Variants in MIR2052HG observed in about 807,000 individuals in gnomAD.
MIR2052HG encodes the protein MIR2052 host gene.
intron 2 of MIR2052HG, among the ~76,000 whole-genome samples, chr8:74,645,505 G>A (rs977778323): frequency 1.3e-5 from 2 of 152,104 alleles, no homozygotes; most frequent in African/African-American, 2.4e-5. Context: ...GGCTGGTCAC[G>A]AACTCCCAAC....
intron 2 of MIR2052HG, among the ~76,000 whole-genome samples, chr8:74,621,525 C>T (rs1808361289): frequency 6.6e-6 from 1 of 152,202 alleles, no homozygotes; most frequent in Non-Finnish European, 1.5e-5. Context: ...GAGAAGCAGG[C>T]ACCCTCTTCA....
intron 2 of MIR2052HG, among the ~76,000 whole-genome samples, chr8:74,657,592 G>T (rs1322382806): frequency 6.6e-6 from 1 of 152,132 alleles, no homozygotes; most frequent in South Asian, 2.1e-4. Flanking sequence ...AACCAAAGAG[G>T]TTTGATGGAC....
chr8:74,728,616 G>A (rs1344403091), intron 4 of MIR2052HG, among the ~76,000 whole-genome samples: 2 of 152,174 alleles, frequency 1.3e-5, no homozygotes, highest in African/African-American at 4.8e-5. Context: ...GCCAGGTAGT[G>A]TTAAATTGGG....
intron 2 of MIR2052HG, among the ~76,000 whole-genome samples, chr8:74,696,184 C>A (rs1563533847): frequency 6.6e-6 from 1 of 152,046 alleles, no homozygotes; most frequent in East Asian, 1.9e-4. Context: ...CAAAACCATG[C>A]AAATACATGA....
chr8:74,603,171 A>C, intron 1 of MIR2052HG: 2 of 793,066 alleles, frequency 2.5e-6, no homozygotes, highest in Admixed American at 4.0e-5. Flanking sequence ...AGTGTGTAGA[A>C]ACTGAAAATT....
At chr8:74,725,269 C>T (rs906333052) in intron 4 of MIR2052HG, among the ~76,000 whole-genome samples, 2 of 152,212 alleles carry the variant, frequency 1.3e-5, no homozygotes, top group African/African-American at 4.8e-5. Context: ...CCTGTGTTCA[C>T]AGTTGGCTGA....
At chr8:74,616,403 C>G (rs1808282949) in intron 2 of MIR2052HG, among the ~76,000 whole-genome samples, 2 of 148,676 alleles carry the variant, frequency 1.3e-5, no homozygotes, top group South Asian at 4.3e-4. Context: ...CTCATCGTCA[C>G]TGGCCATCAG....
chr8:74,708,908 T>G (rs6472873), intron 4 of MIR2052HG, among the ~76,000 whole-genome samples: 1 of 151,986 alleles, frequency 6.6e-6, no homozygotes, highest in Non-Finnish European at 1.5e-5. Flanking sequence ...AACTGTAAGA[T>G]AGAAAATGAG....
At chr8:74,690,579 C>T (rs956440857) in intron 2 of MIR2052HG, among the ~76,000 whole-genome samples, 4 of 151,688 alleles carry the variant, frequency 2.6e-5, no homozygotes, top group South Asian at 2.1e-4. Flanking sequence ...ACCCAGGAGG[C>T]GGAGTTTGCA....
At chr8:74,603,017 A>G (rs1808045481) in intron 1 of MIR2052HG, among the ~76,000 whole-genome samples, 1 of 126,802 alleles carries the variant, frequency 7.9e-6, no homozygotes, top group Non-Finnish European at 1.6e-5. Context: ...GAGCCAAAAC[A>G]AAACAAAACA....
chr8:74,623,131 A>C (rs1296321251), intron 2 of MIR2052HG, among the ~76,000 whole-genome samples: 1 of 152,230 alleles, frequency 6.6e-6, no homozygotes, highest in Non-Finnish European at 1.5e-5. Flanking sequence ...TTTGTAAAAG[A>C]GTAGATTTTA....
intron 4 of MIR2052HG, among the ~76,000 whole-genome samples, chr8:74,711,864 G>A (rs1809471201): frequency 6.6e-6 from 1 of 152,188 alleles, no homozygotes; most frequent in African/African-American, 2.4e-5. Flanking sequence ...GAGCAACCAT[G>A]TGATGGAAAT....
At chr8:74,637,059 C>T (rs1236602011) in intron 2 of MIR2052HG, among the ~76,000 whole-genome samples, 2 of 152,068 alleles carry the variant, frequency 1.3e-5, no homozygotes, top group Non-Finnish European at 2.9e-5. Context: ...AATCTGAATA[C>T]AGTGATACAC....
intron 2 of MIR2052HG, among the ~76,000 whole-genome samples, chr8:74,634,040 G>A (rs1467780629): frequency 6.6e-6 from 1 of 152,174 alleles, no homozygotes; most frequent in East Asian, 1.9e-4. Flanking sequence ...TAATGGAGGA[G>A]GAGGAGGACA....
intron 2 of MIR2052HG, among the ~76,000 whole-genome samples, chr8:74,615,764 C>G (rs573891756): frequency 4.7e-4 from 71 of 152,034 alleles, no homozygotes; most frequent in African/African-American, 1.7e-3. Flanking sequence ...TTCCCCACTC[C>G]CCCCACCCCA....
At chr8:74,670,752 A>G (rs1380876005) in intron 2 of MIR2052HG, among the ~76,000 whole-genome samples, 13 of 152,196 alleles carry the variant, frequency 8.5e-5, no homozygotes, top group Admixed American at 4.6e-4. Context: ...AAATGTTGAA[A>G]AATTTCTAAG....
intron 2 of MIR2052HG, among the ~76,000 whole-genome samples, chr8:74,658,845 G>A (rs1177330299): frequency 6.6e-6 from 1 of 152,062 alleles, no homozygotes; most frequent in African/African-American, 2.4e-5. Context: ...TGGCATACAT[G>A]TTTGCACCAA....
intron 2 of MIR2052HG, among the ~76,000 whole-genome samples, chr8:74,624,212 A>G (rs376928123): frequency 4.6e-5 from 7 of 152,344 alleles, no homozygotes; most frequent in African/African-American, 1.7e-4. Flanking sequence ...TTAGGGCACC[A>G]CCCAAGGGCC....
At chr8:74,668,916 C>T (rs1808961089) in intron 2 of MIR2052HG, among the ~76,000 whole-genome samples, 1 of 152,122 alleles carries the variant, frequency 6.6e-6, no homozygotes, top group African/African-American at 2.4e-5. Context: ...TCAATCTCTC[C>T]TCCTGCTCAA....
Sources: allele counts gnomAD v4.1 joint callset (sites outside exome capture counted in the v4.1 genomes callset), GRCh38; gene constraint gnomAD v4.1.1; transcripts MANE v1.5; gene names NCBI Gene and HGNC (gene_info 2026-07-23, HGNC 2026-07-21).